DNAH2: variants seen among roughly 807,000 people sequenced by gnomAD.
DNAH2 encodes axonemal beta dynein heavy chain 2.
In DNAH2, 323 loss-of-function variants were observed where a neutral mutation model predicts 523.5. The observed-to-expected ratio is 0.62, with a 90% CI of 0.56 to 0.68. The LOEUF (loss-of-function observed/expected upper bound fraction) is 0.68. Ranked by LOEUF, DNAH2 falls within the 30% of genes least tolerant of loss-of-function variation. The pLI, the probability that DNAH2 is intolerant of heterozygous loss-of-function variation, is 0.00. For synonymous variants in DNAH2, 2,093 were observed against 2,177.4 expected, an observed-to-expected ratio of 0.96 and a Z score of 1.08; for missense variants, 4,907 against 5,701.5, an observed-to-expected ratio of 0.86 and a Z score of 4.49.
chr17:7,802,414 A>G (rs941507662), intron 58 of DNAH2, among the ~76,000 whole-genome samples: 1 of 152,130 alleles, frequency 6.6e-6, no homozygotes, highest in Non-Finnish European at 1.5e-5. Flanking sequence ...GTCCCTCAGC[A>G]TCCGTGGGGG....
At chr17:7,803,948 T>A (rs2077292421) in intron 58 of DNAH2, among the ~76,000 whole-genome samples, 1 of 152,006 alleles carries the variant, frequency 6.6e-6, no homozygotes, top group South Asian at 2.1e-4. Context: ...TGTTCCACAG[T>A]GGGAAACAGA....
rs142001963 is a variant in DNAH2, at chr17:7,806,517, G to T, written c.9443-633G>T. 4.5e-3 allele frequency among the ~76,000 whole-genome samples: 685 copies of T among 151,966 alleles called. 4 individuals are homozygous for T. The highest frequency in any genetic ancestry group is 0.016 in the African/African-American group (652 of 41,422). ...CTACAAAATACAAAAAAATTAGCCG[G>T]GTGTGGTGGCAGGCACCTGTAGTCC... On this transcript the variant is annotated intron_variant, in intron 61 of 85. Transcript: ENST00000572933.
chr17:7,819,281 A>G lies in DNAH2; in HGVS notation c.10888A>G (p.Met3630Val). ...VLNDMGCIDP[M>V]YQFSLDAYIS... is the part of the protein sequence containing the mutation. ...CAATGATATGGGCTGCATCGACCCC[A>G]TGTACCAGTTCTCACTGGATGCCTA... The change falls in exon 72 of 86, where the codon ATG (methionine) becomes GTG (valine). Residue 3630 changes from methionine to valine, a missense_variant. Transcript: ENST00000572933. The G allele has an allele frequency of 6.2e-7, 1 of 1,614,164 alleles. No individual in the cohort carries two copies. Among genetic ancestry groups the G allele is most frequent in the South Asian group, 1.1e-5 (1 of 91,090 alleles).
intron 63 of DNAH2, among the ~76,000 whole-genome samples, chr17:7,808,227 C>T (rs1194735781): frequency 2.0e-5 from 3 of 152,078 alleles, no homozygotes; most frequent in South Asian, 2.1e-4. Context: ...AAAAATTAGC[C>T]GGGCATGGTG....
chr17:7,739,413 TAAAAG>T (rs2075240391), intron 8 of DNAH2, among the ~76,000 whole-genome samples: 1 of 151,978 alleles, frequency 6.6e-6, no homozygotes, highest in African/African-American at 2.4e-5. Context: ...CTCAAAAAAA[TAAAAG>T]AAAAGAAAAT....
intron 49 of DNAH2, among the ~76,000 whole-genome samples, chr17:7,795,508 A>G (rs906251111): frequency 2.6e-5 from 4 of 152,014 alleles, no homozygotes; most frequent in Admixed American, 1.3e-4. Context: ...CCCTGTCTCT[A>G]CAAAAAAATA....
At chr17:7,721,509 C>T (rs2151113076) in intron 2 of DNAH2, among the ~76,000 whole-genome samples, 1 of 151,838 alleles carries the variant, frequency 6.6e-6, no homozygotes, top group East Asian at 2.0e-4. Context: ...ACCTGAATGC[C>T]AGCAGTTTTC....
intron 24 of DNAH2, among the ~76,000 whole-genome samples, chr17:7,769,709 ATAAAG>A (rs1027434905): frequency 6.6e-6 from 1 of 152,244 alleles, no homozygotes; most frequent in African/African-American, 2.4e-5. Context: ...ATTTATAAAA[ATAAAG>A]TAATTTTTAT....
chr17:7,754,270 T>C lies in DNAH2; in HGVS notation c.1905-2821T>C, dbSNP rs2075773136. On this transcript the variant is annotated intron_variant, in intron 12 of 85. Coordinates refer to ENST00000572933, the MANE Select transcript of DNAH2 (RefSeq NM_020877.5). This position sits in a 1 kb window ranked among gnomAD's most constrained non-coding sequence, Gnocchi z 4.6. ...CCAAACTTAAATGATGGGAAGGAAC[T>C]AGTAGATTGAAGGTATAGGAGAGCT... The C allele has an allele frequency of 3.4e-6, 1 of 290,778 alleles. No individual in the cohort carries two copies. 18.0% of individuals were successfully genotyped at this position (290,778 alleles called of 1,614,324 possible).
intron 63 of DNAH2, among the ~76,000 whole-genome samples, chr17:7,811,580 G>A (rs1404889032): frequency 6.6e-6 from 1 of 152,166 alleles, no homozygotes; most frequent in African/African-American, 2.4e-5. Context: ...TAAAATCAAG[G>A]TGCAAGTACA....
In DNAH2 at chr17:7,740,412, C is replaced by A. The variant is rs1056998559; in HGVS notation, c.1377-8C>A. On this transcript the variant is annotated splice_region_variant and splice_polypyrimidine_tract_variant and intron_variant, in intron 9 of 85. Transcript: ENST00000572933. ...ACTCAGCTGCCACATGCCTCTCCAC[C>A]GGTGCAGGTTCCGTGCCGGAATCAA... 6.2e-7 allele frequency: 1 copy of A among 1,613,864 alleles called. No homozygotes were observed. Among genetic ancestry groups the A allele is most frequent in the Non-Finnish European group, 8.5e-7 (1 of 1,179,866 alleles).
At chr17:7,784,076 TGGGA>T (rs2076672999) in intron 39 of DNAH2, among the ~76,000 whole-genome samples, 1 of 152,122 alleles carries the variant, frequency 6.6e-6, no homozygotes, top group Non-Finnish European at 1.5e-5. Context: ...GGTAGCAATA[TGGGA>T]CAACAGATTT....
In DNAH2 at chr17:7,781,175, T is replaced by C; in HGVS notation, c.6129+8T>C. On this transcript the variant is annotated splice_region_variant and intron_variant, in intron 39 of 85. Coordinates refer to ENST00000572933, the MANE Select transcript of DNAH2 (RefSeq NM_020877.5). ...GTCATTGACTATGGCAAGGTATTTG[T>C]TCCTTAATACTCTCCCTGACCGGGT... The C allele has an allele frequency of 6.2e-7, 1 of 1,614,178 alleles. No homozygotes were observed. The highest frequency in any genetic ancestry group is 8.5e-7 in the Non-Finnish European group (1 of 1,180,014).
chr17:7,796,646 C>G lies in DNAH2; in HGVS notation c.7857C>G (p.Ile2619Met). 1 of 1,610,826 alleles carries G rather than the reference C, an allele frequency of 6.2e-7. No individual in the cohort carries two copies. Among genetic ancestry groups the G allele is most frequent in the Non-Finnish European group, 8.5e-7 (1 of 1,178,672 alleles). ...KMHYLFNLRD[I>M]SKVFQGMLRA... ...ATTACCTCTTCAACCTTCGAGACAT[C>G]TCCAAGGTGACTCGCGGCCTGACCT... The change falls in exon 50 of 86, where the codon ATC becomes ATG. Residue 2619 changes from isoleucine to methionine, a missense_variant. By Grantham distance (10) the Ile-to-Met change is conservative (BLOSUM62 1). Coordinates refer to ENST00000572933, the MANE Select transcript of DNAH2 (RefSeq NM_020877.5).
intron 12 of DNAH2, among the ~76,000 whole-genome samples, chr17:7,755,384 G>A (rs979139517): frequency 6.6e-6 from 1 of 150,476 alleles, no homozygotes; most frequent in Non-Finnish European, 1.5e-5. Flanking sequence ...ACAGGGGCTC[G>A]AGGGGAGGAC....
chr17:7,792,687 C>A lies in DNAH2; in HGVS notation c.7176C>A (p.Thr2392=). The A allele has an allele frequency of 6.2e-7, 1 of 1,614,104 alleles. No homozygotes were observed. The highest frequency in any genetic ancestry group is 1.1e-5 in the South Asian group (1 of 91,072). ...CCTTCTATAAGATCATGGTGCCCAC[C>A]GTCGACACTGTTCGCTACAACTACC... ...NAPFYKIMVP[T]VDTVRYNYLV... The change falls in exon 47 of 86, where the codon ACC becomes ACA. Residue 2392 remains threonine (T), a synonymous_variant. Coordinates refer to ENST00000572933, the MANE Select transcript of DNAH2 (RefSeq NM_020877.5).
At position 7,798,928 on chromosome 17, in the gene DNAH2, T is replaced by C. The variant is rs2077144583; in HGVS notation, c.8560-175T>C. Among the ~76,000 whole-genome samples the C allele has an allele frequency of 6.6e-6, 1 of 152,200 alleles. No homozygotes were observed. On this transcript the variant is annotated intron_variant, in intron 55 of 85. Transcript: ENST00000572933. This position sits in a 1 kb window ranked among gnomAD's most constrained non-coding sequence, Gnocchi z 5.5. ...CGCTTCAGAGCCAGGCACAGTGGCT[T>C]GAGCTTGTAGTTCCAGCTACTCGGG... is the stretch of plus-strand genomic sequence containing the variant.
Position 7,817,853 on chromosome 17 carries a change from C to T in DNAH2, c.10233C>T (p.Gly3411=). 1.9e-6 allele frequency: 3 copies of T among 1,613,704 alleles called. No homozygotes were observed. The highest frequency in any genetic ancestry group is 4.5e-5 in the East Asian group (2 of 44,794). Reference sequence around the variant, plus strand: ...AATGGATTAAGAACATGGAAGGAGGCCAGGTGTGAGGCTGGGGGGTCAGGT... The same window carrying T: ...AATGGATTAAGAACATGGAAGGAGGTCAGGTGTGAGGCTGGGGGGTCAGGT... ...ALKWIKNMEG[G]QGLKIIDLQM... The change falls in exon 67 of 86, where the codon GGC becomes GGT. Residue 3411 remains glycine (G), a synonymous_variant. Transcript: ENST00000572933.
rs749324433 is a variant in DNAH2 at position 7,830,321 on chromosome 17, C to T, written c.11875C>T (p.Arg3959Cys). The part of the protein sequence containing the change: ...PPKGLKANMT[R>C]LYQLMSEPQF... ...CCAGGGCCTAAAGGCCAACATGACA[C>T]GTCTTTACCAACTGATGTCAGAACC... The change falls in exon 78 of 86, where the codon CGT becomes TGT. Residue 3959 changes from arginine (R) to cysteine (C), a missense_variant. Arg to Cys is a radical substitution (Grantham distance 180). Coordinates refer to ENST00000572933, the MANE Select transcript of DNAH2 (RefSeq NM_020877.5). The T allele has an allele frequency of 1.5e-5, 25 of 1,614,002 alleles. No individual in the cohort carries two copies. The South Asian group carries it at 1.8e-4, about 11-fold the overall frequency.
Sources: gnomAD v4.1 joint callset for allele counts (sites outside exome capture counted in the v4.1 genomes callset) on GRCh38, gnomAD v4.1.1 for gene constraint, Gnocchi (gnomAD v3.1) non-coding constraint, MANE v1.5 for transcripts, NCBI Gene and HGNC (gene_info 2026-07-23, HGNC 2026-07-21) for gene names.